Variants in ANK2 observed in about 807,000 individuals in gnomAD.
ANK2 encodes the protein ankyrin-2.
A neutral mutation model predicts 360.5 loss-of-function variants in ANK2; 83 were observed. The ratio of observed to expected loss-of-function variants is 0.23; its 90% CI spans 0.19 to 0.28. ANK2 has a LOEUF of 0.28. Ranked by LOEUF, ANK2 falls within the 10% of genes least tolerant of loss-of-function variation. The pLI, the probability that ANK2 is intolerant of heterozygous loss-of-function variation, is 1.00. For missense variants in ANK2, 4,201 were observed against 4,795.7 expected (o/e 0.88, Z 3.66); for synonymous variants, 1,740 against 1,759.5 (o/e 0.99, Z 0.28).
At chr4:113,071,487 A>G (rs1290435918) in intron 1 of ANK2, among the ~76,000 whole-genome samples, 1 of 152,158 alleles carries the variant, frequency 6.6e-6, no homozygotes, top group Non-Finnish European at 1.5e-5. Flanking sequence ...CTGCCTAGAT[A>G]ATGCTTGCTT....
At chr4:113,050,484 C>A (rs1176718441) in intron 1 of ANK2, among the ~76,000 whole-genome samples, 3 of 152,178 alleles carry the variant, frequency 2.0e-5, no homozygotes, top group Admixed American at 2.0e-4. Context: ...TACATTCCCA[C>A]ACCCTCGATT....
At chr4:112,746,695 GAAAC>G in the ANK2 span, among the ~76,000 whole-genome samples, 4 of 152,086 alleles carry the variant, frequency 2.6e-5, no homozygotes, top group African/African-American at 9.7e-5. Context: ...TTGTAAAATA[GAAAC>G]AAACAGTTAA....
chr4:112,795,156 C>T, the ANK2 span, among the ~76,000 whole-genome samples: 6 of 152,190 alleles, frequency 3.9e-5, no homozygotes, highest in African/African-American at 1.4e-4. Flanking sequence ...CAGAAGCCAT[C>T]TTATCTGTGG....
Position 113,358,868 on chromosome 4 carries a change from G to A in ANK2, c.10250G>A (p.Ser3417Asn), listed in dbSNP as rs1379541996. The change falls in exon 38 of 46, where the codon AGC becomes AAC. Residue 3417 changes from serine (S) to asparagine (N), a missense_variant. Physicochemically the swap from Ser to Asn is conservative, Grantham distance 46 (BLOSUM62 1). Transcript: ENST00000357077. ...TRSYTETETESRERAEELELE... is the reference protein window; with the variant it reads ...TRSYTETETENRERAEELELE... The stretch of plus-strand genomic sequence containing the variant: ...AGTTACACTGAGACAGAAACAGAGA[G>A]CAGAGAGAGGGCCGAGGAACTTGAG... 2 of 1,614,070 alleles carry A rather than the reference G, an allele frequency of 1.2e-6. No homozygotes were observed.
At chr4:112,877,639 A>G (rs2075500617) in intron 1 of ANK2, among the ~76,000 whole-genome samples, 1 of 152,200 alleles carries the variant, frequency 6.6e-6, no homozygotes, top group Admixed American at 6.5e-5. Flanking sequence ...ATTATTAAGA[A>G]TTTCAAGATG....
the ANK2 span, among the ~76,000 whole-genome samples, chr4:112,787,606 G>T: frequency 6.6e-6 from 1 of 152,188 alleles, no homozygotes; most frequent in Non-Finnish European, 1.5e-5. Context: ...AGTCCTTTGA[G>T]TAAGTCCACT....
chr4:112,819,642 G>A (rs2056416183), intron 1 of ANK2, among the ~76,000 whole-genome samples: 1 of 152,044 alleles, frequency 6.6e-6, no homozygotes, highest in South Asian at 2.1e-4. Flanking sequence ...CTATTCCACT[G>A]AACTGCATAA....
At chr4:113,333,987 C>T (rs1436343112) in intron 29 of ANK2, among the ~76,000 whole-genome samples, 1 of 152,168 alleles carries the variant, frequency 6.6e-6, no homozygotes, top group African/African-American at 2.4e-5. Context: ...TCACATTCAA[C>T]TTTAAGTAAC....
At chr4:112,776,661 T>G in the ANK2 span, among the ~76,000 whole-genome samples, 1 of 152,260 alleles carries the variant, frequency 6.6e-6, no homozygotes, top group African/African-American at 2.4e-5. Context: ...ATTCCACTAC[T>G]CTTCAATACT....
the ANK2 span, among the ~76,000 whole-genome samples, chr4:112,722,498 T>C: frequency 6.6e-6 from 1 of 152,246 alleles, no homozygotes; most frequent in South Asian, 2.1e-4. Flanking sequence ...CCCAGGATTG[T>C]TGGCTCAGTG....
At chr4:112,709,393 T>C in the ANK2 span, among the ~76,000 whole-genome samples, 132,732 of 152,236 alleles carry the variant, frequency 0.87, 58,145 homozygotes, top group Middle Eastern at 0.95. Flanking sequence ...ATGACTCTTA[T>C]GGCCATTTCC....
chr4:112,960,635 G>T (rs923864505), intron 2 of ANK2, among the ~76,000 whole-genome samples: 6 of 152,084 alleles, frequency 3.9e-5, no homozygotes, highest in Admixed American at 2.0e-4. Context: ...ATTAAATTGA[G>T]TTAAAATAGA....
At chr4:112,736,296 C>T in the ANK2 span, among the ~76,000 whole-genome samples, 1 of 152,170 alleles carries the variant, frequency 6.6e-6, no homozygotes, top group Admixed American at 6.6e-5. Context: ...AACCCCATCT[C>T]TACTAATATA....
chr4:112,921,486 G>A (rs972540775), intron 2 of ANK2, among the ~76,000 whole-genome samples: 1 of 144,606 alleles, frequency 6.9e-6, no homozygotes. Flanking sequence ...TTAAAGAGAT[G>A]GGGTCTTGCC....
At chr4:113,238,730 A>G (rs1035861105) in intron 7 of ANK2, among the ~76,000 whole-genome samples, 3 of 152,154 alleles carry the variant, frequency 2.0e-5, no homozygotes, top group Non-Finnish European at 4.4e-5. Flanking sequence ...AATAGAGTAA[A>G]AAGAAGAGAA....
At chr4:113,209,498 G>A (rs761854603) in intron 4 of ANK2, among the ~76,000 whole-genome samples, 19 of 151,828 alleles carry the variant, frequency 1.3e-4, no homozygotes, top group Non-Finnish European at 2.6e-4. Flanking sequence ...ATTTGTTATC[G>A]AACCAAACTG....
Position 113,123,247 on chromosome 4 carries a change from CTT to C in ANK2, c.85-51168_85-51167del, listed in dbSNP as rs200322164. The stretch of plus-strand genomic sequence containing the variant: ...TTCTTTCGTTACCTTTATTATCAAA[CTT>C]AATTTTATTAGTCCCCTTATTCACC... On this transcript the variant is annotated intron_variant, in intron 1 of 45. Transcript: ENST00000357077. 3.6e-3 allele frequency among the ~76,000 whole-genome samples: 546 copies of C among 151,876 alleles called. 4 individuals are homozygous for C. Among genetic ancestry groups the C allele is most frequent in the African/African-American group, 0.01 (422 of 41,446 alleles).
chr4:112,780,196 A>G, the ANK2 span, among the ~76,000 whole-genome samples: 3 of 152,022 alleles, frequency 2.0e-5, no homozygotes, highest in Non-Finnish European at 2.9e-5. Flanking sequence ...CAAAAAAAAA[A>G]AAAAAGAAGT....
chr4:112,908,336 T>C (rs2150974597), intron 2 of ANK2, among the ~76,000 whole-genome samples: 1 of 152,316 alleles, frequency 6.6e-6, no homozygotes, highest in African/African-American at 2.4e-5. Flanking sequence ...GTCAAACTCA[T>C]ACTGCAAATC....
Sources: gnomAD v4.1 joint callset for allele counts (sites outside exome capture counted in the v4.1 genomes callset) on GRCh38, gnomAD v4.1.1 for gene constraint, MANE v1.5 for transcripts, NCBI Gene and HGNC (gene_info 2026-07-23, HGNC 2026-07-21) for gene names.